Variants in DPP6 observed in about 807,000 individuals in gnomAD.
The protein encoded by DPP6 is dipeptidyl peptidase like 6, also known as A-type potassium channel modulatory protein DPP6.
In DPP6, 69 loss-of-function variants were observed where a neutral mutation model predicts 122.6. The observed-to-expected ratio is 0.56, with a 90% CI of 0.46 to 0.69. The LOEUF (loss-of-function observed/expected upper bound fraction) is 0.69, where lower values mean the gene tolerates loss of function less well. Among genes scored for constraint, DPP6 ranks in the 30% least tolerant of loss-of-function variants. The pLI is 0.00. For missense variants in DPP6, 928 were observed against 1,116.9 expected, an observed-to-expected ratio of 0.83 and a Z score of 2.41; for synonymous variants, 418 against 433.1, an observed-to-expected ratio of 0.97 and a Z score of 0.43.
chr7:154,719,229 C>T (rs905771877), intron 7 of DPP6, among the ~76,000 whole-genome samples: 17 of 151,992 alleles, frequency 1.1e-4, no homozygotes, highest in Non-Finnish European at 2.5e-4. Flanking sequence ...TTATCTATGC[C>T]GGGCTTGTCT....
intron 4 of DPP6, among the ~76,000 whole-genome samples, chr7:154,546,838 G>A (rs1257361162): frequency 6.6e-6 from 1 of 152,182 alleles, no homozygotes; most frequent in East Asian, 1.9e-4. Flanking sequence ...ATTAGAACTC[G>A]AGACTACTTT....
chr7:154,276,897 A>C (rs1300134076), intron 1 of DPP6, among the ~76,000 whole-genome samples: 1 of 152,186 alleles, frequency 6.6e-6, no homozygotes, highest in Admixed American at 6.5e-5. Context: ...GTACTATAAC[A>C]CATGCCTGCA....
At chr7:154,794,340 G>A (rs771301003) in intron 11 of DPP6, 138 bp downstream of exon 11, 159 of 1,357,046 alleles carry the variant, frequency 1.2e-4, no homozygotes, top group Non-Finnish European at 1.5e-4. Flanking sequence ...GGGAGCCCGC[G>A]GCGCAGAGTC....
chr7:153,887,057 G>C (rs1179510146), upstream of DPP6: 1 of 152,520 alleles, frequency 6.6e-6, no homozygotes, highest in Non-Finnish European at 1.5e-5. Context: ...GTTTGCGCTC[G>C]CTTAACCTTG....
Position 154,106,287 on chromosome 7 carries a change from T to G in DPP6, c.243+53224T>G, listed in dbSNP as rs1440804436. On this transcript the variant is annotated intron_variant, in intron 1 of 25. Coordinates refer to ENST00000377770, the MANE Select transcript of DPP6 (RefSeq NM_130797.4). ...CTCACTTCTCCATGAGGGGCTCAGT[T>G]TCTTAAGAGGAGGAACAGAAAGGCT... 1.4e-4 allele frequency among the ~76,000 whole-genome samples: 18 copies of G among 126,928 alleles called. No individual in the cohort carries two copies. In the Admixed American group the frequency reaches 1.6e-3, roughly 11 times the overall value. The allele number at this position is 126,928 out of a possible 152,430, so 83.3% of individuals were successfully genotyped here.
At chr7:153,803,343 C>A in the DPP6 span, among the ~76,000 whole-genome samples, 1 of 150,444 alleles carries the variant, frequency 6.6e-6, no homozygotes, top group Non-Finnish European at 1.5e-5. Context: ...CATTTGAATT[C>A]GTGGACTCAG....
At chr7:154,315,255 G>A (rs1254429605) in intron 1 of DPP6, among the ~76,000 whole-genome samples, 1 of 152,224 alleles carries the variant, frequency 6.6e-6, no homozygotes, top group Non-Finnish European at 1.5e-5. Context: ...GAATATGTGA[G>A]TGTGAGGGAG....
At chr7:154,694,758 G>A (rs577711385) in intron 7 of DPP6, among the ~76,000 whole-genome samples, 6 of 152,230 alleles carry the variant, frequency 3.9e-5, no homozygotes, top group Admixed American at 3.9e-4. Context: ...CCTAAACCTG[G>A]GGTTACCATT....
At chr7:154,592,071 G>A (rs761373895) in intron 5 of DPP6, among the ~76,000 whole-genome samples, 105 of 152,160 alleles carry the variant, frequency 6.9e-4, no homozygotes, top group Admixed American at 1.1e-3. Context: ...CTTTGCTTTC[G>A]CAGGCACCCA....
chr7:153,991,258 C>G (rs577949139), intron 1 of DPP6, among the ~76,000 whole-genome samples: 1 of 151,210 alleles, frequency 6.6e-6, no homozygotes, highest in East Asian at 1.9e-4. Context: ...ATTGGGGAAT[C>G]AAATATTAAA....
intron 8 of DPP6, among the ~76,000 whole-genome samples, chr7:154,762,055 C>T (rs1053066832): frequency 2.6e-5 from 4 of 152,142 alleles, no homozygotes; most frequent in Admixed American, 6.5e-5. Context: ...GAGGACAGCA[C>T]GGAGTAGATG....
intron 16 of DPP6, among the ~76,000 whole-genome samples, chr7:154,835,125 C>T (rs990263886): frequency 2.0e-5 from 3 of 152,036 alleles, no homozygotes; most frequent in African/African-American, 7.2e-5. Flanking sequence ...GTGTTAAAGT[C>T]CTAATGCCCA....
intron 25 of DPP6, among the ~76,000 whole-genome samples, chr7:154,891,647 G>A (rs1806619607): frequency 6.6e-6 from 1 of 152,056 alleles, no homozygotes; most frequent in Non-Finnish European, 1.5e-5. Flanking sequence ...GTGTAATGGC[G>A]CGATCTCGGC....
intron 7 of DPP6, among the ~76,000 whole-genome samples, chr7:154,671,862 A>ATGCACACACG (rs1563086961): frequency 9.7e-6 from 1 of 102,846 alleles, no homozygotes; most frequent in African/African-American, 3.4e-5. Context: ...CAACACACAC[A>ATGCACACACG]TGCACACACA....
At chr7:153,773,002 G>T in the DPP6 span, among the ~76,000 whole-genome samples, 1 of 105,996 alleles carries the variant, frequency 9.4e-6, no homozygotes, top group African/African-American at 3.0e-5. Flanking sequence ...ATATATAAAA[G>T]AAAAGACATA....
rs372595252 is a variant in DPP6 at position 154,164,215 on chromosome 7, C to T, written c.243+111152C>T. On this transcript the variant is annotated intron_variant, in intron 1 of 25. Coordinates refer to ENST00000377770, the MANE Select transcript of DPP6 (RefSeq NM_130797.4). ...GCCCTGCCCTGCCCTGACCTGCTGT[C>T]CCCTCCCCTTCCCTCCCCTCCCCTC... Among the ~76,000 whole-genome samples, 318 of 136,160 alleles carry T rather than the reference C, an allele frequency of 2.3e-3. 5 individuals carry two copies. The highest frequency in any genetic ancestry group is 0.013 in the East Asian group (56 of 4,236). The allele number at this position is 136,160 out of a possible 152,430, so 89.3% of individuals were successfully genotyped here.
chr7:154,263,435 C>T (rs1002695830), intron 1 of DPP6, among the ~76,000 whole-genome samples: 1 of 152,142 alleles, frequency 6.6e-6, no homozygotes, highest in Non-Finnish European at 1.5e-5. Flanking sequence ...GAGTAATCAT[C>T]GCCTCAATGA....
At chr7:154,820,398 A>G (rs1163781506) in intron 16 of DPP6, among the ~76,000 whole-genome samples, 1 of 152,236 alleles carries the variant, frequency 6.6e-6, no homozygotes, top group Non-Finnish European at 1.5e-5. Flanking sequence ...CTGACTGCTC[A>G]AGACTTACAA....
chr7:154,431,696 G>A (rs541023326), intron 1 of DPP6, among the ~76,000 whole-genome samples: 73 of 151,684 alleles, frequency 4.8e-4, no homozygotes, highest in Admixed American at 1.7e-3. Context: ...CACCACGCCT[G>A]GCTAATTTTT....
Sources: gnomAD v4.1 joint callset for allele counts (sites outside exome capture counted in the v4.1 genomes callset) on GRCh38, gnomAD v4.1.1 for gene constraint, MANE v1.5 for transcripts, NCBI Gene and HGNC (gene_info 2026-07-23, HGNC 2026-07-21) for gene names.